PCDHA3: variants seen among roughly 807,000 people sequenced by gnomAD.
The protein encoded by PCDHA3 is protocadherin alpha 3.
PCDHA3 carries 41 observed loss-of-function variants against 62.2 expected under a neutral mutation model. That is an observed-to-expected ratio of 0.66 (90% CI 0.51 to 0.86). The LOEUF (loss-of-function observed/expected upper bound fraction) is 0.86, where lower values mean the gene tolerates loss of function less well. Ranked by LOEUF, PCDHA3 falls within the 40% of genes least tolerant of loss-of-function variation. The probability of loss-of-function intolerance (pLI) is 0.00; values close to 1 mark genes in which losing one functional copy is unlikely to be tolerated. For missense variants in PCDHA3, 1,304 were observed against 1,241.2 expected, an observed-to-expected ratio of 1.05 and a Z score of -0.76; for synonymous variants, 640 against 555.4, an observed-to-expected ratio of 1.15 and a Z score of -2.14.
At chr5:140,855,964 T>C in intron 1 of PCDHA3, 3 of 1,408,442 alleles carry the variant, frequency 2.1e-6, no homozygotes, top group Admixed American at 2.3e-5. Context: ...AAAAAATAGA[T>C]ATAAGAAATA....
chr5:140,940,774 G>T (rs1554213602), intron 1 of PCDHA3, among the ~76,000 whole-genome samples: 4 of 151,994 alleles, frequency 2.6e-5, no homozygotes, highest in African/African-American at 7.3e-5. Context: ...GACTTTTGAT[G>T]GTCCATATCC....
At chr5:140,952,057 C>T (rs1214818651) in intron 1 of PCDHA3, among the ~76,000 whole-genome samples, 1 of 152,164 alleles carries the variant, frequency 6.6e-6, no homozygotes, top group Non-Finnish European at 1.5e-5. Flanking sequence ...AATCTTAAAG[C>T]TCCAAATAAT....
At chr5:140,856,833 G>A (rs1554149194) in intron 1 of PCDHA3, 3 of 1,591,548 alleles carry the variant, frequency 1.9e-6, no homozygotes, top group African/African-American at 2.7e-5. Flanking sequence ...TTAGTAATAC[G>A]GCTCAACGCT....
At chr5:141,001,253 C>T (rs896546841) in intron 3 of PCDHA3, among the ~76,000 whole-genome samples, 22 of 152,078 alleles carry the variant, frequency 1.4e-4, no homozygotes, top group African/African-American at 5.1e-4. Flanking sequence ...CCCTATGGGG[C>T]GGGCACTCTT....
At chr5:140,910,856 C>T (rs548609862) in intron 1 of PCDHA3, among the ~76,000 whole-genome samples, 15 of 152,300 alleles carry the variant, frequency 9.8e-5, no homozygotes, top group Non-Finnish European at 2.2e-4. Flanking sequence ...ATCTATGTTC[C>T]ATCCACCATT....
rs1554262937 is a variant in PCDHA3 at position 141,010,412 on chromosome 5, G to A, written c.*475G>A. 2.5e-6 allele frequency: 3 copies of A among 1,201,296 alleles called. No homozygotes were observed. Among genetic ancestry groups the A allele is most frequent in the Non-Finnish European group, 3.4e-6 (3 of 885,080 alleles). 74.4% of individuals were successfully genotyped at this position (1,201,296 alleles called of 1,614,324 possible). On this transcript the variant is annotated 3_prime_UTR_variant, in exon 4 of 4. Coordinates refer to ENST00000522353, the MANE Select transcript of PCDHA3 (RefSeq NM_018906.3). ...GAGACGAGCCAGCTTAGACTAATTG[G>A]TACAAGGAAGGCAAGAAAACAAAGA...
At chr5:140,877,503 G>T in intron 1 of PCDHA3, 1 of 1,613,834 alleles carries the variant, frequency 6.2e-7, no homozygotes. Flanking sequence ...AGGCCCCAAA[G>T]ACGTCGTCGC....
intron 1 of PCDHA3, among the ~76,000 whole-genome samples, chr5:140,840,557 C>A (rs1199062901): frequency 2.6e-5 from 4 of 151,962 alleles, no homozygotes; most frequent in Non-Finnish European, 5.9e-5. Context: ...GGCAATACTG[C>A]TAGAGTTTGG....
chr5:140,983,807 G>T (rs1158459034), intron 3 of PCDHA3, among the ~76,000 whole-genome samples: 1 of 152,100 alleles, frequency 6.6e-6, no homozygotes, highest in African/African-American at 2.4e-5. Context: ...TGTGTAAAAG[G>T]TTTTTTCCCA....
At chr5:140,850,285 T>G in intron 1 of PCDHA3, 1 of 1,595,606 alleles carries the variant, frequency 6.3e-7, no homozygotes, top group Non-Finnish European at 8.6e-7. Context: ...GTGCGCGCAG[T>G]GGACGCCGAC....
At position 140,850,000 on chromosome 5, in the gene PCDHA3, G is replaced by A. The variant is rs2150462633; in HGVS notation, c.2394+46409G>A. 7 of 1,597,068 alleles carry A rather than the reference G, an allele frequency of 4.4e-6. No individual in the cohort carries two copies. In the Admixed American group the frequency reaches 8.4e-5, roughly 19 times the overall value. ...CTGGTGGAGCGGCGGTTGGGCGAGCGCTCGCTGTCGAGCTACGTGTCAGTG... is the reference window on the plus strand; with the variant it reads ...CTGGTGGAGCGGCGGTTGGGCGAGCACTCGCTGTCGAGCTACGTGTCAGTG... On this transcript the variant is annotated intron_variant, in intron 1 of 3. Transcript: ENST00000522353.
At chr5:140,843,828 T>G (rs1779111398) in intron 1 of PCDHA3, 1 of 1,176,020 alleles carries the variant, frequency 8.5e-7, no homozygotes, top group South Asian at 1.5e-5. Context: ...ATTTAAACAT[T>G]GTTTAGTTTT....
chr5:140,829,652 C>CA, intron 1 of PCDHA3: 1 of 1,612,488 alleles, frequency 6.2e-7, no homozygotes, highest in Non-Finnish European at 8.5e-7. Context: ...GTACGCGCTG[C>CA]AGCCGCTGGA....
chr5:140,843,949 T>C, intron 1 of PCDHA3: 1 of 564,496 alleles, frequency 1.8e-6, no homozygotes, highest in Non-Finnish European at 3.1e-6. Context: ...ATGATATCCA[T>C]TTTTTACTGA....
intron 1 of PCDHA3, chr5:140,968,379 A>C: frequency 6.2e-7 from 1 of 1,614,034 alleles, no homozygotes; most frequent in Non-Finnish European, 8.5e-7. Context: ...AACTCCTTTG[A>C]CTATGAGAAG....
At chr5:140,965,195 T>C (rs1368041910) in intron 1 of PCDHA3, among the ~76,000 whole-genome samples, 3 of 152,198 alleles carry the variant, frequency 2.0e-5, no homozygotes, top group Admixed American at 6.5e-5. Context: ...CATGAGGCAA[T>C]AGATTTCAAA....
At chr5:140,938,214 G>C (rs2091981626) in intron 1 of PCDHA3, among the ~76,000 whole-genome samples, 1 of 152,148 alleles carries the variant, frequency 6.6e-6, no homozygotes, top group Non-Finnish European at 1.5e-5. Context: ...CCAAAGTGCT[G>C]GGATTACAGG....
chr5:140,967,779 C>G, intron 1 of PCDHA3: 1 of 1,614,222 alleles, frequency 6.2e-7, no homozygotes, highest in Non-Finnish European at 8.5e-7. Flanking sequence ...GTGCAGGCGA[C>G]TGACCGGGGT....
chr5:140,978,644 G>A (rs782602318), intron 1 of PCDHA3, among the ~76,000 whole-genome samples: 18 of 152,220 alleles, frequency 1.2e-4, no homozygotes, highest in Non-Finnish European at 1.9e-4. Context: ...AAAGCAGACT[G>A]TTCTTCCCGT....
Sources: allele counts gnomAD v4.1 joint callset (sites outside exome capture counted in the v4.1 genomes callset), GRCh38; gene constraint gnomAD v4.1.1; transcripts MANE v1.5; gene names NCBI Gene and HGNC (gene_info 2026-07-23, HGNC 2026-07-21).